DNAH11: variants seen among roughly 807,000 people sequenced by gnomAD.
DNAH11 encodes the protein dynein axonemal heavy chain 11, also known as axonemal beta dynein heavy chain 11.
In DNAH11, 442 loss-of-function variants were observed where a neutral mutation model predicts 526.0. The ratio of observed to expected loss-of-function variants is 0.84; its 90% CI spans 0.78 to 0.91. The LOEUF (loss-of-function observed/expected upper bound fraction) is 0.91. Among genes scored for constraint, DNAH11 ranks in the 40% least tolerant of loss-of-function variants. The pLI is 0.00. For synonymous variants in DNAH11, 2,461 were observed against 1,935.9 expected (o/e 1.27, Z -7.12); for missense variants, 6,989 against 5,448.7 (o/e 1.28, Z -8.90).
At chr7:21,778,844 C>T (rs375327096) in intron 56 of DNAH11, 114 bp from the exon 57 acceptor site, 15 of 1,294,914 alleles carry the variant, frequency 1.2e-5, no homozygotes, top group Middle Eastern at 5.0e-4. Flanking sequence ...AGGGTAGAGA[C>T]AGATGCAAGA....
At chr7:21,886,656 C>T (rs557363912) in intron 76 of DNAH11, among the ~76,000 whole-genome samples, 6 of 19,952 alleles carry the variant, frequency 3.0e-4, no homozygotes, top group Middle Eastern at 0.056. Flanking sequence ...AAGGGGCCCG[C>T]GAGGAGCTCC....
chr7:21,760,122 G>C (rs1786833170), intron 54 of DNAH11, among the ~76,000 whole-genome samples: 1 of 152,162 alleles, frequency 6.6e-6, no homozygotes, highest in African/African-American at 2.4e-5. Flanking sequence ...ACTTTCTGGT[G>C]GGGGTGGGAG....
intron 30 of DNAH11, among the ~76,000 whole-genome samples, chr7:21,660,685 G>A (rs35681553): frequency 0.51 from 76,569 of 150,754 alleles, 19,806 homozygotes; most frequent in Admixed American, 0.65. Flanking sequence ...ACTATCTTTT[G>A]TCTGTCTTTA....
At chr7:21,753,584 T>C (rs919109147) in intron 54 of DNAH11, among the ~76,000 whole-genome samples, 11 of 152,212 alleles carry the variant, frequency 7.2e-5, no homozygotes, top group Admixed American at 5.9e-4. Context: ...AAACAACATG[T>C]ATTTCTTCCT....
At chr7:21,546,973 C>T (rs553016200) in intron 2 of DNAH11, among the ~76,000 whole-genome samples, 2 of 152,214 alleles carry the variant, frequency 1.3e-5, no homozygotes, top group African/African-American at 4.8e-5. Context: ...CAAAGGCACA[C>T]TTGCTCTTTT....
intron 2 of DNAH11, among the ~76,000 whole-genome samples, chr7:21,555,097 A>G (rs985403558): frequency 6.6e-6 from 1 of 152,114 alleles, no homozygotes; most frequent in Non-Finnish European, 1.5e-5. Context: ...TTGAAGGGGA[A>G]CATGGGGGCT....
At chr7:21,731,093 G>A (rs961296665) in intron 45 of DNAH11, among the ~76,000 whole-genome samples, 20 of 151,970 alleles carry the variant, frequency 1.3e-4, no homozygotes, top group African/African-American at 3.1e-4. Context: ...GCAGAGAGCC[G>A]AGAGTGCGCT....
At chr7:21,647,109 A>G (rs1583560036) in intron 28 of DNAH11, among the ~76,000 whole-genome samples, 1 of 152,190 alleles carries the variant, frequency 6.6e-6, no homozygotes, top group African/African-American at 2.4e-5. Flanking sequence ...AGAGAGCTTA[A>G]TATGTGTGCT....
intron 15 of DNAH11, 83 bp from the exon 16 acceptor site, chr7:21,600,593 T>A (rs757800548): frequency 4.6e-5 from 63 of 1,374,240 alleles, no homozygotes; most frequent in Non-Finnish European, 6.0e-5. Context: ...CTTTGAAGAA[T>A]TACCTTGGTA....
In DNAH11 at chr7:21,582,949, A is replaced by G. The variant is rs567446106; in HGVS notation, c.1710+928A>G. On this transcript the variant is annotated intron_variant, in intron 9 of 81. Coordinates refer to ENST00000409508, the MANE Select transcript of DNAH11 (RefSeq NM_001277115.2). ...TCTCTGGCCCCAGTCAAGCATTTTA[A>G]CATAAAGAATTCACGAGGATCTGGA... 6.6e-5 allele frequency among the ~76,000 whole-genome samples: 10 copies of G among 152,278 alleles called. No homozygotes were observed. In the South Asian group the frequency reaches 1.9e-3, roughly 28 times the overall value.
chr7:21,691,036 T>G (rs1783595124), intron 35 of DNAH11, among the ~76,000 whole-genome samples, 155 bp downstream of exon 35: 1 of 152,224 alleles, frequency 6.6e-6, no homozygotes, highest in East Asian at 1.9e-4. Context: ...ACTTTCACCA[T>G]GATAAATTAA....
In DNAH11 at chr7:21,705,527, G is replaced by T; in HGVS notation, c.6536G>T (p.Gly2179Val). 1 of 1,613,574 alleles carries T rather than the reference G, an allele frequency of 6.2e-7. No homozygotes were observed. Among genetic ancestry groups the T allele is most frequent in the Non-Finnish European group, 8.5e-7 (1 of 1,179,622 alleles). Residue 2179 changes from glycine (G) to valine (V), a missense_variant, in exon 39 of 82, where the codon GGA becomes GTA. Coordinates refer to ENST00000409508, the MANE Select transcript of DNAH11 (RefSeq NM_001277115.2). ...SVFVVGNAGT[G>V]KSKILRTLNR... ...TTTGTAGTTGGAAATGCAGGCACAG[G>T]AAAGAGTAAGGTATAGTAAATTGCC...
chr7:21,791,065 A>T (rs1384449649), intron 61 of DNAH11, among the ~76,000 whole-genome samples: 1 of 152,132 alleles, frequency 6.6e-6, no homozygotes, highest in Non-Finnish European at 1.5e-5. Flanking sequence ...AGGGAGAGAG[A>T]TTACGTTCAA....
At chr7:21,581,250 G>A (rs544475212) in intron 8 of DNAH11, among the ~76,000 whole-genome samples, 1 of 152,342 alleles carries the variant, frequency 6.6e-6, no homozygotes, top group Admixed American at 6.5e-5. Flanking sequence ...CTGATGCTGT[G>A]AAGATAATAG....
chr7:21,852,547 G>T lies in DNAH11; in HGVS notation c.10977G>T (p.Ala3659=). 6.2e-7 allele frequency: 1 copy of T among 1,613,016 alleles called. No homozygotes were observed. The highest frequency in any genetic ancestry group is 8.5e-7 in the Non-Finnish European group (1 of 1,179,594). The change falls in exon 67 of 82, where the codon GCG becomes GCT. Residue 3659 remains alanine, a synonymous_variant. Transcript: ENST00000409508. ...LEDDLLLRLS[A]AEGSFLDDTK... ...ACGATCTCCTTTTGCGCCTTTCTGC[G>T]GCAGAGGGAAGCTTTCTGGATGACA...
intron 62 of DNAH11, among the ~76,000 whole-genome samples, chr7:21,805,264 G>A (rs1427697424): frequency 3.3e-5 from 5 of 152,136 alleles, no homozygotes; most frequent in Admixed American, 6.5e-5. Flanking sequence ...GTAGTTGTCC[G>A]TGTATGCATA....
At chr7:21,784,361 A>G (rs1397385248) in intron 57 of DNAH11, 66 bp from the exon 58 acceptor site, 3 of 1,252,004 alleles carry the variant, frequency 2.4e-6, no homozygotes, top group African/African-American at 1.5e-5. Flanking sequence ...GTCAACCTCC[A>G]TTTTTCTTTA....
Position 21,899,325 on chromosome 7 carries a change from C to A in DNAH11, c.13050-11C>A, listed in dbSNP as rs545301825. On this transcript the variant is annotated splice_polypyrimidine_tract_variant and intron_variant, in intron 79 of 81. Coordinates refer to ENST00000409508, the MANE Select transcript of DNAH11 (RefSeq NM_001277115.2). Reference sequence around the variant, plus strand: ...AACAGCAAGTTTTTCTTCCTCCCTCCCATAAACCAGGTTCAATGACCTCCT... The same window carrying A: ...AACAGCAAGTTTTTCTTCCTCCCTCACATAAACCAGGTTCAATGACCTCCT... 300 of 1,610,784 alleles carry A rather than the reference C, an allele frequency of 1.9e-4. 2 individuals are homozygous for A. The South Asian group carries it at 3.0e-3, about 16-fold the overall frequency.
intron 54 of DNAH11, among the ~76,000 whole-genome samples, chr7:21,764,681 C>T (rs1787093775): frequency 6.6e-6 from 1 of 152,176 alleles, no homozygotes. Context: ...GTTTCTGTGA[C>T]CTACTGTCAT....
Sources: gnomAD v4.1 joint callset for allele counts (sites outside exome capture counted in the v4.1 genomes callset) on GRCh38, gnomAD v4.1.1 for gene constraint, MANE v1.5 for transcripts, NCBI Gene and HGNC (gene_info 2026-07-23, HGNC 2026-07-21) for gene names.